RTN1: variants seen among roughly 807,000 people sequenced by gnomAD.
RTN1 encodes reticulon 1.
Under a neutral mutation model 65.5 loss-of-function variants are expected in RTN1, and 25 were observed. The observed-to-expected ratio is 0.38, with a 90% confidence interval of 0.28 to 0.53. The LOEUF (loss-of-function observed/expected upper bound fraction) is 0.53. Among genes scored for constraint, RTN1 ranks in the 20% least tolerant of loss-of-function variants. The pLI is 0.79. For missense variants in RTN1, 983 were observed against 1,025.4 expected (o/e 0.96, Z 0.57); for synonymous variants, 471 against 447.6 (o/e 1.05, Z -0.66).
intron 1 of RTN1, among the ~76,000 whole-genome samples, chr14:59,869,847 G>A (rs577927903): frequency 1.3e-5 from 2 of 152,168 alleles, no homozygotes; most frequent in South Asian, 2.1e-4. Flanking sequence ...GGAGGGATGT[G>A]GGGGGAGTAA....
At chr14:59,832,323 GTTCT>G (rs756236028) in intron 1 of RTN1, among the ~76,000 whole-genome samples, 6 of 148,232 alleles carry the variant, frequency 4.0e-5, no homozygotes, top group South Asian at 2.1e-4. Context: ...TTTTTTTTTC[GTTCT>G]TTCTATTACT....
intron 3 of RTN1, among the ~76,000 whole-genome samples, chr14:59,628,572 T>C (rs886824297): frequency 3.9e-5 from 6 of 152,238 alleles, no homozygotes; most frequent in African/African-American, 1.4e-4. Context: ...AATGGATTTG[T>C]TCCATCTAAC....
At chr14:59,801,031 A>C (rs1003873070) in intron 1 of RTN1, among the ~76,000 whole-genome samples, 2 of 152,148 alleles carry the variant, frequency 1.3e-5, no homozygotes, top group African/African-American at 2.4e-5. Context: ...AATAACTAGA[A>C]ATTGTCCAAG....
chr14:59,623,598 T>C (rs959823534), intron 3 of RTN1, among the ~76,000 whole-genome samples: 1 of 152,234 alleles, frequency 6.6e-6, no homozygotes, highest in African/African-American at 2.4e-5. Context: ...CATGTACTAT[T>C]TCTTTAAGCT....
intron 1 of RTN1, among the ~76,000 whole-genome samples, chr14:59,867,358 G>A (rs542178075): frequency 3.9e-5 from 6 of 152,242 alleles, no homozygotes; most frequent in East Asian, 1.9e-4. Flanking sequence ...CTAACATGTC[G>A]TAGCCTACCT....
intron 1 of RTN1, among the ~76,000 whole-genome samples, chr14:59,830,348 A>G (rs1220067152): frequency 6.6e-6 from 1 of 152,246 alleles, no homozygotes; most frequent in East Asian, 1.9e-4. Flanking sequence ...CAGTTAAACC[A>G]GTGCTCTCAC....
intron 3 of RTN1, among the ~76,000 whole-genome samples, chr14:59,705,998 C>T (rs902875851): frequency 3.3e-5 from 5 of 152,154 alleles, no homozygotes; most frequent in Non-Finnish European, 5.9e-5. Flanking sequence ...ATTCTCTTAC[C>T]TGACTAAGGG....
At chr14:59,779,674 G>A (rs558363609) in intron 1 of RTN1, among the ~76,000 whole-genome samples, 56 of 152,072 alleles carry the variant, frequency 3.7e-4, no homozygotes, top group African/African-American at 1.0e-3. Context: ...TTTTCACGGC[G>A]TTTTGAAACA....
intron 1 of RTN1, among the ~76,000 whole-genome samples, chr14:59,835,352 T>C (rs1594761006): frequency 6.6e-6 from 1 of 152,068 alleles, no homozygotes; most frequent in East Asian, 1.9e-4. Context: ...CCAGTGAAAC[T>C]TGTGGGTGAT....
chr14:59,732,514 C>T (rs1377151285), intron 2 of RTN1, among the ~76,000 whole-genome samples: 2 of 152,162 alleles, frequency 1.3e-5, no homozygotes, highest in South Asian at 2.1e-4. Context: ...CAAGGGAACC[C>T]CCCTGCCTCC....
In RTN1 at chr14:59,846,720, T is replaced by C. The variant is rs1887417719; in HGVS notation, c.241+23670A>G. 6.6e-6 allele frequency among the ~76,000 whole-genome samples: 1 copy of C among 152,204 alleles called. No individual in the cohort carries two copies. Among genetic ancestry groups the C allele is most frequent in the Non-Finnish European group, 1.5e-5 (1 of 68,036 alleles). ...AACAGTGTTTTGAATGGCTTACTAC[T>C]GGAGAAAATGGACTTTGTGTAGTCT... On this transcript the variant is annotated intron_variant, in intron 1 of 8. Transcript: ENST00000267484. This position sits in a 1 kb window ranked among gnomAD's most constrained non-coding sequence, Gnocchi z 4.8.
chr14:59,869,291 C>T (rs562670874), intron 1 of RTN1, among the ~76,000 whole-genome samples: 36 of 152,018 alleles, frequency 2.4e-4, no homozygotes, highest in African/African-American at 7.7e-4. Context: ...CACTCCCCTT[C>T]CCCTCCTCTG....
At chr14:59,665,777 G>C (rs1303539153) in intron 3 of RTN1, among the ~76,000 whole-genome samples, 1 of 152,056 alleles carries the variant, frequency 6.6e-6, no homozygotes, top group Non-Finnish European at 1.5e-5. Flanking sequence ...GCAAAAAAAA[G>C]CAGGGGTTGC....
rs1255342281 is a variant in RTN1, at chr14:59,749,370, C to CTATATATATATCTATATATATCTA, written c.242-2890_242-2889insTAGATATATATAGATATATATATA. Among the ~76,000 whole-genome samples, 43 of 30,334 alleles carry CTATATATATATCTATATATATCTA rather than the reference C, an allele frequency of 1.4e-3. 4 individuals are homozygous for CTATATATATATCTATATATATCTA. Among genetic ancestry groups the CTATATATATATCTATATATATCTA allele is most frequent in the African/African-American group, 9.4e-3 (42 of 4,470 alleles). The allele number at this position is 30,334 out of a possible 152,430, so 19.9% of individuals were successfully genotyped here. On this transcript the variant is annotated intron_variant, in intron 1 of 8. Coordinates refer to ENST00000267484, the MANE Select transcript of RTN1 (RefSeq NM_021136.3). ...TATCTATATATATCTATATATATAT[C>CTATATATATATCTATATATATCTA]TATATATCTATATCTATATATATCT...
At chr14:59,623,186 C>T (rs1566664053) in intron 3 of RTN1, among the ~76,000 whole-genome samples, 2 of 152,232 alleles carry the variant, frequency 1.3e-5, no homozygotes, top group South Asian at 4.1e-4. Context: ...CCTCCTCGGG[C>T]TGGACTGAAG....
chr14:59,736,838 T>C (rs1013017124), intron 2 of RTN1, among the ~76,000 whole-genome samples: 29 of 151,756 alleles, frequency 1.9e-4, no homozygotes, highest in African/African-American at 6.8e-4. Context: ...CACAATCAAG[T>C]AGGTTTACAA....
intron 1 of RTN1, among the ~76,000 whole-genome samples, chr14:59,748,210 G>GTTTCT (rs1555358550): frequency 7.9e-6 from 1 of 125,988 alleles, no homozygotes; most frequent in Non-Finnish European, 1.6e-5. Context: ...AGTCTGTGAG[G>GTTTCT]TTTTTTTTTT....
At chr14:59,718,656 A>G (rs1884587665) in intron 3 of RTN1, among the ~76,000 whole-genome samples, 1 of 152,200 alleles carries the variant, frequency 6.6e-6, no homozygotes, top group Non-Finnish European at 1.5e-5. Flanking sequence ...TATGCTAGAT[A>G]CAGTGCTCAA....
At chr14:59,635,181 T>C (rs747227717) in intron 3 of RTN1, among the ~76,000 whole-genome samples, 19 of 152,140 alleles carry the variant, frequency 1.2e-4, no homozygotes, top group Non-Finnish European at 2.6e-4. Flanking sequence ...CAAAGGCAGA[T>C]TACCTCAGAG....
Sources: gnomAD v4.1 joint callset for allele counts (sites outside exome capture counted in the v4.1 genomes callset) on GRCh38, gnomAD v4.1.1 for gene constraint, Gnocchi (gnomAD v3.1) non-coding constraint, MANE v1.5 for transcripts, NCBI Gene and HGNC (gene_info 2026-07-23, HGNC 2026-07-21) for gene names.